Variants in WWOX observed in about 807,000 individuals in gnomAD.
WWOX encodes WW domain containing oxidoreductase.
A neutral mutation model predicts 46.2 loss-of-function variants in WWOX; 69 were observed. The ratio of observed to expected loss-of-function variants is 1.49; its 90% CI spans 1.23 to 1.82. The LOEUF (loss-of-function observed/expected upper bound fraction) is 1.82, where lower values mean the gene tolerates loss of function less well. WWOX is among the 40% of genes most tolerant of loss of function. WWOX has a pLI of 0.00. For missense variants in WWOX, 919 were observed against 542.6 expected, an observed-to-expected ratio of 1.69 and a Z score of -6.89; for synonymous variants, 359 against 202.6, an observed-to-expected ratio of 1.77 and a Z score of -6.56.
intron 5 of WWOX, among the ~76,000 whole-genome samples, chr16:78,357,401 T>A (rs562426098): frequency 1.3e-5 from 2 of 152,278 alleles, no homozygotes; most frequent in South Asian, 2.1e-4. Flanking sequence ...GCATAGCCAC[T>A]TCTCTTTCCA....
At chr16:78,983,870 C>CTTTTTTTTTTTTTTTT (rs760130115) in intron 8 of WWOX, among the ~76,000 whole-genome samples, 1 of 79,844 alleles carries the variant, frequency 1.3e-5, no homozygotes, top group African/African-American at 4.9e-5. Flanking sequence ...GAGAGCTATT[C>CTTTTTTTTTTTTTTTT]TTTTTTTTTT....
chr16:78,758,871 A>T (rs1255949580), intron 8 of WWOX, among the ~76,000 whole-genome samples: 1 of 151,440 alleles, frequency 6.6e-6, no homozygotes, highest in African/African-American at 2.4e-5. Flanking sequence ...TGTGTTCAAG[A>T]TTTGGAAGAG....
At position 78,772,349 on chromosome 16, in the gene WWOX, G is replaced by A. The variant is rs763629669; in HGVS notation, c.1056+339597G>A. Among the ~76,000 whole-genome samples, 14 of 152,258 alleles carry A rather than the reference G, an allele frequency of 9.2e-5. 1 individual carries two copies. Among genetic ancestry groups the A allele is most frequent in the East Asian group, 1.9e-4 (1 of 5,184 alleles). On this transcript the variant is annotated intron_variant, in intron 8 of 8. Coordinates refer to ENST00000566780, the MANE Select transcript of WWOX (RefSeq NM_016373.4). Reference sequence around the variant, plus strand: ...AGGATAATGGCTTCTAGCCCCGTCCGTGTTCTCGCAGAAGACATGATCGCA... The same window carrying A: ...AGGATAATGGCTTCTAGCCCCGTCCATGTTCTCGCAGAAGACATGATCGCA...
intron 8 of WWOX, among the ~76,000 whole-genome samples, chr16:78,809,208 G>C (rs774180450): frequency 1.3e-5 from 2 of 151,426 alleles, no homozygotes; most frequent in African/African-American, 4.9e-5. Context: ...TTCCTTTAGA[G>C]CATGTGTCCT....
intron 8 of WWOX, among the ~76,000 whole-genome samples, chr16:79,070,437 C>G (rs1314518843): frequency 6.6e-6 from 1 of 152,156 alleles, no homozygotes; most frequent in Non-Finnish European, 1.5e-5. Context: ...TCCAGATGCC[C>G]TTTTTCTTGA....
rs148416590 is a variant in WWOX, at chr16:78,201,317, T to C, written c.516+37028T>C. Among the ~76,000 whole-genome samples, 212 of 152,316 alleles carry C rather than the reference T, an allele frequency of 1.4e-3. 1 individual carries two copies. Among genetic ancestry groups the C allele is most frequent in the Non-Finnish European group, 7.5e-4 (51 of 68,028 alleles). ...GGGGAATGTGGAAAGGCTAAGGTTG[T>C]ATTGAAAACTTATTAAGCTTATGAG... On this transcript the variant is annotated intron_variant, in intron 5 of 8. Transcript: ENST00000566780.
chr16:78,819,543 A>G (rs1017571971), intron 8 of WWOX, among the ~76,000 whole-genome samples: 19 of 152,258 alleles, frequency 1.2e-4, no homozygotes, highest in Admixed American at 9.8e-4. Flanking sequence ...ATGTGATGGC[A>G]GAACTGCCTC....
chr16:78,767,824 A>C (rs937331396), intron 8 of WWOX, among the ~76,000 whole-genome samples: 1 of 152,146 alleles, frequency 6.6e-6, no homozygotes, highest in Non-Finnish European at 1.5e-5. Flanking sequence ...GCGTACTTTC[A>C]CGTGCCTACT....
rs933970709 is a variant in WWOX, at chr16:79,212,171, C to T, written c.*375C>T. The T allele has an allele frequency of 6.7e-7, 1 of 1,482,454 alleles. No homozygotes were observed. The highest frequency in any genetic ancestry group is 8.9e-7 in the Non-Finnish European group (1 of 1,125,482). The allele number at this position is 1,482,454 out of a possible 1,614,324, so 91.8% of individuals were successfully genotyped here. ...CCCATCCAGCTACCACCACGGCCAC[C>T]ACTGCAGCCGGGGGCTGGCCTTCTC... On this transcript the variant is annotated 3_prime_UTR_variant, in exon 9 of 9. Coordinates refer to ENST00000566780, the MANE Select transcript of WWOX (RefSeq NM_016373.4).
rs545932191 is a variant in WWOX at position 78,424,823 on chromosome 16, G to C, written c.606-47G>C. ...TCCCGAAGGAGCATGGATTATCCTT[G>C]GTTGTAGTGTTTATGTCCACATCAC... On this transcript the variant is annotated intron_variant, in intron 6 of 8. Coordinates refer to ENST00000566780, the MANE Select transcript of WWOX (RefSeq NM_016373.4). The C allele has an allele frequency of 5.0e-6, 8 of 1,606,250 alleles. No homozygotes were observed. The East Asian group carries it at 1.6e-4, about 31-fold the overall frequency.
intron 8 of WWOX, among the ~76,000 whole-genome samples, chr16:78,460,049 C>T (rs938351924): frequency 2.6e-5 from 4 of 151,836 alleles, no homozygotes; most frequent in Non-Finnish European, 4.4e-5. Context: ...TCAAGCAATC[C>T]GCCCACCTCG....
chr16:78,346,341 C>T (rs547054303), intron 5 of WWOX, among the ~76,000 whole-genome samples: 3 of 120,844 alleles, frequency 2.5e-5, no homozygotes, highest in African/African-American at 8.4e-5. Flanking sequence ...CTAATGTGAA[C>T]GAAGCCACCG....
intron 8 of WWOX, among the ~76,000 whole-genome samples, chr16:78,835,712 G>A (rs1284588479): frequency 6.6e-6 from 1 of 152,132 alleles, no homozygotes; most frequent in East Asian, 1.9e-4. Context: ...CTGACCTCGT[G>A]AAGAAATTGA....
At chr16:78,100,167 C>T (rs2151652639) in intron 1 of WWOX, 2 of 1,285,328 alleles carry the variant, frequency 1.6e-6, no homozygotes, top group Non-Finnish European at 2.0e-6. Flanking sequence ...GGCCTCATCC[C>T]CGCCAAAAAA....
chr16:78,164,161 T>C (rs776461194), intron 4 of WWOX, 22 bp from the exon 5 acceptor site: 35 of 1,607,782 alleles, frequency 2.2e-5, no homozygotes, highest in Admixed American at 5.0e-5. Flanking sequence ...TTTTCTAACA[T>C]TGACTTTCCT....
At chr16:78,802,362 G>A (rs964374801) in intron 8 of WWOX, among the ~76,000 whole-genome samples, 3 of 151,974 alleles carry the variant, frequency 2.0e-5, no homozygotes, top group African/African-American at 7.3e-5. Flanking sequence ...AAGAGGGTAG[G>A]TCTGTGAATG....
At chr16:78,409,142 A>C (rs1458551733) in intron 6 of WWOX, among the ~76,000 whole-genome samples, 2 of 152,138 alleles carry the variant, frequency 1.3e-5, no homozygotes, top group Non-Finnish European at 2.9e-5. Context: ...ACAGTGGCTC[A>C]CTCCAGGTAG....
At chr16:78,598,704 C>T (rs1357139767) in intron 8 of WWOX, among the ~76,000 whole-genome samples, 2 of 152,154 alleles carry the variant, frequency 1.3e-5, no homozygotes, top group Admixed American at 1.3e-4. Context: ...CCCTTAAATG[C>T]AAAAGGAGTT....
intron 8 of WWOX, among the ~76,000 whole-genome samples, chr16:78,964,687 C>G (rs4888889): frequency 0.33 from 50,614 of 152,160 alleles, 9,661 homozygotes; most frequent in East Asian, 0.48. Flanking sequence ...TAATGTTAAT[C>G]TCGAAGACCA....
Sources: allele counts gnomAD v4.1 joint callset (sites outside exome capture counted in the v4.1 genomes callset), GRCh38; gene constraint gnomAD v4.1.1; transcripts MANE v1.5; gene names NCBI Gene and HGNC (gene_info 2026-07-23, HGNC 2026-07-21).